RNF38: variants seen among roughly 807,000 people sequenced by gnomAD.
RNF38 encodes the protein ring finger protein 38, also known as E3 ubiquitin-protein ligase RNF38.
A neutral mutation model predicts 67.2 loss-of-function variants in RNF38; 15 were observed. The ratio of observed to expected loss-of-function variants is 0.22; its 90% CI spans 0.15 to 0.34. The LOEUF is 0.34. Ranked by LOEUF, RNF38 falls within the 10% of genes least tolerant of loss-of-function variation. RNF38 has a pLI of 1.00. For synonymous variants in RNF38, 220 were observed against 218.8 expected, an observed-to-expected ratio of 1.01 and a Z score of -0.05; for missense variants, 524 against 639.9, an observed-to-expected ratio of 0.82 and a Z score of 1.95.
chr9:36,411,551 T>C (rs1838325573), intron 2 of RNF38, among the ~76,000 whole-genome samples: 1 of 152,168 alleles, frequency 6.6e-6, no homozygotes. Flanking sequence ...CAAAATGTGA[T>C]GTATATTACA....
intron 1 of RNF38, among the ~76,000 whole-genome samples, chr9:36,473,979 C>G (rs1356420920): frequency 7.1e-6 from 1 of 141,766 alleles, no homozygotes; most frequent in Non-Finnish European, 1.5e-5. Context: ...GAGCAAGACT[C>G]CATCTCGGGA....
intron 1 of RNF38, among the ~76,000 whole-genome samples, chr9:36,427,884 A>G (rs956388193): frequency 1.3e-4 from 20 of 151,392 alleles, no homozygotes; most frequent in Non-Finnish European, 4.4e-5. Flanking sequence ...CTAATTTTGT[A>G]TTTTTAGTAG....
At chr9:36,368,763 G>GA (rs200705459) in intron 4 of RNF38, among the ~76,000 whole-genome samples, 1,692 of 152,218 alleles carry the variant, frequency 0.011, 28 homozygotes, top group African/African-American at 0.038. Flanking sequence ...TGCAGTAGAT[G>GA]AAAATTGAGA....
chr9:36,475,924 G>A (rs1401307762), intron 1 of RNF38, among the ~76,000 whole-genome samples: 4 of 149,398 alleles, frequency 2.7e-5, no homozygotes, highest in African/African-American at 9.8e-5. Flanking sequence ...CAGGACAATT[G>A]CTTGAACCCA....
At chr9:36,433,254 A>G (rs546450344) in intron 1 of RNF38, among the ~76,000 whole-genome samples, 1 of 152,054 alleles carries the variant, frequency 6.6e-6, no homozygotes, top group East Asian at 1.9e-4. Context: ...TTAATTATAC[A>G]TTCTAAAATA....
At chr9:36,390,664 T>C (rs948239565) in intron 1 of RNF38, 48 bp from the exon 2 acceptor site, 9 of 1,589,284 alleles carry the variant, frequency 5.7e-6, no homozygotes, top group Non-Finnish European at 7.7e-6. Flanking sequence ...GCTGCACCAA[T>C]GTGGAGAATC....
At chr9:36,422,282 G>T (rs1838649341) in intron 2 of RNF38, among the ~76,000 whole-genome samples, 1 of 151,828 alleles carries the variant, frequency 6.6e-6, no homozygotes, top group African/African-American at 2.4e-5. Flanking sequence ...AAATTAGCTG[G>T]CCGTGGTGGC....
chr9:36,415,527 G>A (rs1481033413), intron 2 of RNF38, among the ~76,000 whole-genome samples: 2 of 152,086 alleles, frequency 1.3e-5, no homozygotes, highest in Non-Finnish European at 2.9e-5. Context: ...CTGACATGGT[G>A]CTCTCCCCCT....
chr9:36,350,267 T>A lies in RNF38; in HGVS notation c.1263+848A>T, dbSNP rs372667137. Among the ~76,000 whole-genome samples, 24 of 152,374 alleles carry A rather than the reference T, an allele frequency of 1.6e-4. No homozygotes were observed. In the South Asian group the frequency reaches 4.6e-3, roughly 29 times the overall value. On this transcript the variant is annotated intron_variant, in intron 9 of 11. Coordinates refer to ENST00000259605, the MANE Select transcript of RNF38 (RefSeq NM_022781.5). ...TCTTATAATTTATTGCCTTACCTAT[T>A]ACAACATCTAAATGGGTTTCCTTGT... is the stretch of plus-strand genomic sequence containing the variant.
chr9:36,459,036 T>A (rs1839660927), intron 1 of RNF38, among the ~76,000 whole-genome samples: 1 of 151,966 alleles, frequency 6.6e-6, no homozygotes, highest in South Asian at 2.1e-4. Context: ...GGTGAAACCC[T>A]GTCTCTACTA....
chr9:36,400,790 G>A, upstream of RNF38: 1 of 985,538 alleles, frequency 1.0e-6, no homozygotes, highest in Non-Finnish European at 1.2e-6. Context: ...AGATGACAGA[G>A]TCGCCTAACG....
Position 36,369,874 on chromosome 9 carries a change from TAATGG to T in RNF38, c.410_414del (p.Ser137Ter), listed in dbSNP as rs1301496557. On this transcript the variant is annotated frameshift_variant, in exon 4 of 12. Transcript: ENST00000259605. LOFTEE classifies it high-confidence loss of function. Reference sequence around the variant, plus strand: ...AGATGGTGATAGTTTTCATCTTGACTAATGGAATTATGTCGAGACAGACGATCCCT... The same window carrying T: ...AGATGGTGATAGTTTTCATCTTGACTAATTATGTCGAGACAGACGATCCCT... 6.2e-7 allele frequency: 1 copy of T among 1,613,760 alleles called. No individual in the cohort carries two copies. The highest frequency in any genetic ancestry group is 8.5e-7 in the Non-Finnish European group (1 of 1,180,032).
At chr9:36,451,517 T>TTTTAGAAGG (rs1839445937) in intron 1 of RNF38, among the ~76,000 whole-genome samples, 1 of 140,064 alleles carries the variant, frequency 7.1e-6, no homozygotes, top group South Asian at 2.5e-4. Flanking sequence ...TTTTTTTTTT[T>TTTTAGAAGG]GAGACGGAGT....
At chr9:36,466,184 TA>T (rs1411602484) in intron 1 of RNF38, among the ~76,000 whole-genome samples, 1 of 152,188 alleles carries the variant, frequency 6.6e-6, no homozygotes, top group Non-Finnish European at 1.5e-5. Flanking sequence ...TCCATTTATA[TA>T]AAAGGTCCAG....
At position 36,441,602 on chromosome 9, in the gene RNF38, G is replaced by A. The variant is rs143375727; in HGVS notation, n.242-16919C>T. Reference sequence around the variant, plus strand: ...CCTCCCAAGTGCTGGGATTACAGGCGTGAGCCACCGCGCCTGGCCCCAAAT... The same window carrying A: ...CCTCCCAAGTGCTGGGATTACAGGCATGAGCCACCGCGCCTGGCCCCAAAT... On this transcript the variant is annotated intron_variant and non_coding_transcript_variant, in intron 1 of 3. Coordinates refer to the RNF38 transcript ENST00000488058. Among the ~76,000 whole-genome samples, 833 of 152,188 alleles carry A rather than the reference G, an allele frequency of 5.5e-3. 10 individuals carry two copies. The highest frequency in any genetic ancestry group is 0.019 in the African/African-American group (788 of 41,516).
chr9:36,366,248 T>C (rs529474557), intron 4 of RNF38, among the ~76,000 whole-genome samples: 8 of 152,302 alleles, frequency 5.3e-5, no homozygotes, highest in Non-Finnish European at 8.8e-5. Context: ...AACAGCATTA[T>C]TATATTTTTA....
intron 1 of RNF38, among the ~76,000 whole-genome samples, chr9:36,446,049 A>C (rs1839293802): frequency 6.6e-6 from 1 of 152,100 alleles, no homozygotes; most frequent in African/African-American, 2.4e-5. Context: ...GCTCTTACAC[A>C]GGGAAGTCCA....
In RNF38 at chr9:36,357,964, A is replaced by T. The variant is rs1413175061; in HGVS notation, c.571-22T>A. 1.9e-6 allele frequency: 3 copies of T among 1,597,656 alleles called. No individual in the cohort carries two copies. In the South Asian group the frequency reaches 3.3e-5, roughly 18 times the overall value. On this transcript the variant is annotated intron_variant, in intron 4 of 11. Transcript: ENST00000259605. Reference sequence around the variant, plus strand: ...GGAGCTTTAAAGGAAAAAACAAATGAACAAACTTTAGCTGTTTAGATAAAA... The same window carrying T: ...GGAGCTTTAAAGGAAAAAACAAATGTACAAACTTTAGCTGTTTAGATAAAA...
chr9:36,420,866 T>C (rs560220186), intron 2 of RNF38, among the ~76,000 whole-genome samples: 1 of 152,316 alleles, frequency 6.6e-6, no homozygotes, highest in African/African-American at 2.4e-5. Context: ...TGAGAATTTG[T>C]AACTCACAGG....
Sources: gnomAD v4.1 joint callset for allele counts (sites outside exome capture counted in the v4.1 genomes callset) on GRCh38, gnomAD v4.1.1 for gene constraint, MANE v1.5 for transcripts, NCBI Gene and HGNC (gene_info 2026-07-23, HGNC 2026-07-21) for gene names.